ADAMTS17: variants seen among roughly 807,000 people sequenced by gnomAD.
ADAMTS17 encodes the protein A disintegrin and metalloproteinase with thrombospondin motifs 17.
ADAMTS17 carries 113 observed loss-of-function variants against 141.5 expected under a neutral mutation model. That is an observed-to-expected ratio of 0.80 (90% CI 0.69 to 0.93). The LOEUF (loss-of-function observed/expected upper bound fraction) is 0.93, where lower values mean the gene tolerates loss of function less well. Among genes scored for constraint, ADAMTS17 ranks in the 40% least tolerant of loss-of-function variants. The pLI, the probability that ADAMTS17 is intolerant of heterozygous loss-of-function variation, is 0.00. For synonymous variants in ADAMTS17, 768 were observed against 630.6 expected (o/e 1.22, Z -3.27); for missense variants, 1,659 against 1,517.9 (o/e 1.09, Z -1.54).
chr15:100,024,029 T>C (rs2573581), intron 18 of ADAMTS17, among the ~76,000 whole-genome samples: 17,048 of 152,240 alleles, frequency 0.11, 2,552 homozygotes, highest in African/African-American at 0.34. Flanking sequence ...CTTTGTATAC[T>C]GTGCATCGCT....
At position 99,973,892 on chromosome 15, in the gene ADAMTS17, G is replaced by A. The variant is rs2573650; in HGVS notation, c.*510C>T. 141,491 of 215,330 alleles carry A rather than the reference G, an allele frequency of 0.66. 47,519 individuals carry two copies. Among genetic ancestry groups the A allele is most frequent in the African/African-American group, 0.76 (32,522 of 42,702 alleles). The allele number at this position is 215,330 out of a possible 1,614,324, so 13.3% of individuals were successfully genotyped here. A position where few individuals can be genotyped will look rare whatever the true frequency, so the allele number is the denominator to read the frequency against. On this transcript the variant is annotated 3_prime_UTR_variant, in exon 22 of 22. Coordinates refer to ENST00000268070, the MANE Select transcript of ADAMTS17 (RefSeq NM_139057.4). ...TCTCATGTGGTCAAGAAGGTAGATG[G>A]AGAGAAACGTGTGCTAAGCAGCCCG... is the stretch of plus-strand genomic sequence containing the variant.
chr15:100,222,560 C>T (rs2042167546), intron 7 of ADAMTS17, among the ~76,000 whole-genome samples: 1 of 152,200 alleles, frequency 6.6e-6, no homozygotes, highest in African/African-American at 2.4e-5. Context: ...ACCAAGCACA[C>T]AGCTTGGGGC....
chr15:100,088,488 C>T (rs1479875270), intron 15 of ADAMTS17, among the ~76,000 whole-genome samples: 2 of 152,172 alleles, frequency 1.3e-5, no homozygotes, highest in African/African-American at 4.8e-5. Flanking sequence ...GAAAAAACTA[C>T]TTTAAAGTTC....
intron 21 of ADAMTS17, among the ~76,000 whole-genome samples, chr15:99,975,382 G>A (rs527675643): frequency 7.9e-5 from 12 of 152,232 alleles, no homozygotes; most frequent in African/African-American, 2.9e-4. Context: ...GCTGATTTTT[G>A]TATTTTTAGT....
chr15:100,108,491 A>ATGGTTTTTATCAC (rs1023212561), intron 14 of ADAMTS17, among the ~76,000 whole-genome samples: 5 of 152,088 alleles, frequency 3.3e-5, no homozygotes, highest in African/African-American at 9.7e-5. Flanking sequence ...CTTCACTTAA[A>ATGGTTTTTATCAC]TGGTTTTTAT....
At chr15:100,242,583 T>C (rs1017012635) in intron 7 of ADAMTS17, among the ~76,000 whole-genome samples, 3 of 152,086 alleles carry the variant, frequency 2.0e-5, no homozygotes, top group African/African-American at 7.2e-5. Context: ...GCCTCTCCCA[T>C]CCTAGGCGGT....
chr15:100,042,297 T>G (rs2141542942), intron 18 of ADAMTS17, among the ~76,000 whole-genome samples: 1 of 152,166 alleles, frequency 6.6e-6, no homozygotes, highest in East Asian at 1.9e-4. Flanking sequence ...TAATTCAAAT[T>G]TTGTTGTCCA....
At chr15:100,077,741 C>G (rs1255441559) in intron 15 of ADAMTS17, among the ~76,000 whole-genome samples, 1 of 152,160 alleles carries the variant, frequency 6.6e-6, no homozygotes, top group Non-Finnish European at 1.5e-5. Flanking sequence ...CCATTCAACA[C>G]TGTACTGGGA....
rs544118324 is a variant in ADAMTS17 at position 100,141,682 on chromosome 15, G to A, written c.1474-8367C>T. The stretch of plus-strand genomic sequence containing the variant: ...GCTGGGGTTGGGGGCTGCCGGGTGA[G>A]GGTGGGGCCCAGGACTTCAGCTGGC... On this transcript the variant is annotated intron_variant, in intron 10 of 21. Coordinates refer to ENST00000268070, the MANE Select transcript of ADAMTS17 (RefSeq NM_139057.4). Among the ~76,000 whole-genome samples the A allele has an allele frequency of 9.2e-5, 14 of 152,340 alleles. No homozygotes were observed. In the South Asian group the frequency reaches 2.9e-3, roughly 32 times the overall value.
At chr15:100,042,233 A>G (rs2031319373) in intron 18 of ADAMTS17, among the ~76,000 whole-genome samples, 1 of 152,218 alleles carries the variant, frequency 6.6e-6, no homozygotes, top group Non-Finnish European at 1.5e-5. Flanking sequence ...GCATGAATCC[A>G]TGTAACCATA....
chr15:100,232,069 G>A (rs1369513821), intron 7 of ADAMTS17, among the ~76,000 whole-genome samples: 1 of 152,186 alleles, frequency 6.6e-6, no homozygotes, highest in Non-Finnish European at 1.5e-5. Context: ...TTGTCTTAGT[G>A]TCAAGACCTG....
intron 7 of ADAMTS17, among the ~76,000 whole-genome samples, chr15:100,216,283 A>G (rs2041966246): frequency 6.6e-6 from 1 of 152,254 alleles, no homozygotes. Context: ...ATTTTTTCTT[A>G]AAGTTTAACA....
intron 4 of ADAMTS17, among the ~76,000 whole-genome samples, chr15:100,262,782 T>C (rs548766002): frequency 6.0e-4 from 67 of 111,248 alleles, no homozygotes; most frequent in Non-Finnish European, 1.1e-3. Flanking sequence ...CTTCCAGTAC[T>C]AAAAAAAAAA....
intron 18 of ADAMTS17, among the ~76,000 whole-genome samples, chr15:100,015,640 G>A (rs975934328): frequency 2.0e-5 from 3 of 152,158 alleles, no homozygotes; most frequent in East Asian, 3.8e-4. Flanking sequence ...ACTTTTGCTG[G>A]AAACAAAATA....
chr15:100,249,083 G>A (rs1168678917), intron 7 of ADAMTS17, among the ~76,000 whole-genome samples: 1 of 152,178 alleles, frequency 6.6e-6, no homozygotes, highest in Admixed American at 6.5e-5. Context: ...ACAGGCGTCA[G>A]CCACCACGCC....
At chr15:100,170,876 C>A (rs1278827746) in intron 8 of ADAMTS17, among the ~76,000 whole-genome samples, 1 of 152,156 alleles carries the variant, frequency 6.6e-6, no homozygotes, top group African/African-American at 2.4e-5. Flanking sequence ...CAGCCAATAG[C>A]AGGAGAAGGC....
At chr15:100,280,029 C>T (rs548152018) in intron 4 of ADAMTS17, among the ~76,000 whole-genome samples, 1 of 152,242 alleles carries the variant, frequency 6.6e-6, no homozygotes, top group Admixed American at 6.5e-5. Context: ...TGTCTTTGGA[C>T]AGCTTCTCTA....
In ADAMTS17 at chr15:99,974,366, T is replaced by G. The variant is rs768325336; in HGVS notation, c.*36A>C. 1.2e-6 allele frequency: 2 copies of G among 1,613,444 alleles called. No homozygotes were observed. The highest frequency in any genetic ancestry group is 1.7e-6 in the Non-Finnish European group (2 of 1,179,974). On this transcript the variant is annotated 3_prime_UTR_variant, in exon 22 of 22. Transcript: ENST00000268070. ...CTTGCGGGTGGGTGGGTTTCAGACC[T>G]GAGTCTGAGCTTTGAGCGACCCTTG...
At chr15:100,149,538 C>A (rs2039066626) in intron 10 of ADAMTS17, among the ~76,000 whole-genome samples, 1 of 152,214 alleles carries the variant, frequency 6.6e-6, no homozygotes, top group South Asian at 2.1e-4. Flanking sequence ...CTGCTCTGAC[C>A]TAAGTCACCT....
Sources: gnomAD v4.1 joint callset for allele counts (sites outside exome capture counted in the v4.1 genomes callset) on GRCh38, gnomAD v4.1.1 for gene constraint, MANE v1.5 for transcripts, NCBI Gene and HGNC (gene_info 2026-07-23, HGNC 2026-07-21) for gene names.